Variants in ATRNL1 observed in about 807,000 individuals in gnomAD.
ATRNL1 encodes the protein attractin-like protein 1.
Under a neutral mutation model 182.7 loss-of-function variants are expected in ATRNL1, and 95 were observed. The observed-to-expected ratio is 0.52, with a 90% CI of 0.44 to 0.62. The LOEUF is 0.62. Among genes scored for constraint, ATRNL1 ranks in the 20% least tolerant of loss-of-function variants. ATRNL1 has a pLI of 0.00. For synonymous variants in ATRNL1, 576 were observed against 568.3 expected, an observed-to-expected ratio of 1.01 and a Z score of -0.19; for missense variants, 1,471 against 1,679.5, an observed-to-expected ratio of 0.88 and a Z score of 2.17.
intron 28 of ATRNL1, among the ~76,000 whole-genome samples, chr10:115,911,442 C>T (rs186947446): frequency 4.6e-5 from 7 of 152,232 alleles, no homozygotes; most frequent in African/African-American, 1.4e-4. Flanking sequence ...CTCAGCCTCC[C>T]GAGCAGCTGG....
At chr10:115,625,069 G>A (rs1169660569) in intron 26 of ATRNL1, among the ~76,000 whole-genome samples, 4 of 151,980 alleles carry the variant, frequency 2.6e-5, no homozygotes, top group African/African-American at 9.7e-5. Context: ...GTGTAGACTG[G>A]CAGAAACAAA....
At chr10:115,195,641 C>T (rs985369995) in intron 8 of ATRNL1, among the ~76,000 whole-genome samples, 20 of 151,964 alleles carry the variant, frequency 1.3e-4, no homozygotes, top group African/African-American at 3.9e-4. Flanking sequence ...TTTATAACCT[C>T]GTATCTGGAT....
At chr10:115,791,099 T>C (rs1033103313) in intron 27 of ATRNL1, among the ~76,000 whole-genome samples, 1 of 152,218 alleles carries the variant, frequency 6.6e-6, no homozygotes, top group Non-Finnish European at 1.5e-5. Flanking sequence ...AATATCCTTC[T>C]CTTTTTTGCT....
At chr10:115,727,808 C>G (rs1376964640) in intron 27 of ATRNL1, among the ~76,000 whole-genome samples, 1 of 152,094 alleles carries the variant, frequency 6.6e-6, no homozygotes, top group African/African-American at 2.4e-5. Context: ...GTGAATGTTT[C>G]TCACATATAA....
At chr10:115,657,842 C>T (rs1230114623) in intron 26 of ATRNL1, among the ~76,000 whole-genome samples, 1 of 152,106 alleles carries the variant, frequency 6.6e-6, no homozygotes, top group Non-Finnish European at 1.5e-5. Context: ...ATCTTTCTGA[C>T]AGTACATGTT....
chr10:115,669,411 T>C (rs1213025995), intron 26 of ATRNL1, among the ~76,000 whole-genome samples: 1 of 152,146 alleles, frequency 6.6e-6, no homozygotes, highest in Non-Finnish European at 1.5e-5. Context: ...TACTGTGATA[T>C]TTCATTGCAG....
At chr10:115,135,265 A>C (rs1301071490) in intron 5 of ATRNL1, among the ~76,000 whole-genome samples, 1 of 152,202 alleles carries the variant, frequency 6.6e-6, no homozygotes, top group Non-Finnish European at 1.5e-5. Flanking sequence ...TGCAGATGAC[A>C]TGATTGTATA....
intron 24 of ATRNL1, among the ~76,000 whole-genome samples, chr10:115,471,577 G>A (rs897287189): frequency 1.3e-5 from 2 of 150,906 alleles, no homozygotes; most frequent in Non-Finnish European, 3.0e-5. Flanking sequence ...GTTTTGATTT[G>A]CATTTATTTG....
chr10:115,271,138 A>G (rs1851842384), intron 13 of ATRNL1, among the ~76,000 whole-genome samples: 1 of 149,910 alleles, frequency 6.7e-6, no homozygotes, highest in African/African-American at 2.5e-5. Flanking sequence ...TGATGAGGGA[A>G]TAAGAGAAGA....
intron 8 of ATRNL1, among the ~76,000 whole-genome samples, chr10:115,192,190 T>C (rs981558054): frequency 2.6e-5 from 4 of 152,062 alleles, no homozygotes; most frequent in Non-Finnish European, 4.4e-5. Context: ...TCCTGGAGTG[T>C]TTCTCCAGTG....
intron 1 of ATRNL1, chr10:115,096,503 C>G: frequency 9.6e-6 from 4 of 416,450 alleles, no homozygotes; most frequent in Non-Finnish European, 1.7e-5. Context: ...TCTCACTTCA[C>G]TAACTATCTT....
At chr10:115,544,873 A>T (rs1554993188) in intron 25 of ATRNL1, among the ~76,000 whole-genome samples, 2 of 152,192 alleles carry the variant, frequency 1.3e-5, no homozygotes. Context: ...ATAACTTTTT[A>T]ACTATGCTGA....
chr10:115,534,295 G>C (rs1434905651), intron 25 of ATRNL1, among the ~76,000 whole-genome samples: 1 of 151,688 alleles, frequency 6.6e-6, no homozygotes, highest in Non-Finnish European at 1.5e-5. Flanking sequence ...CTCCTGTATT[G>C]GGTGCATATA....
chr10:115,713,716 C>CTATG (rs1947156263), intron 26 of ATRNL1, among the ~76,000 whole-genome samples: 1 of 130,688 alleles, frequency 7.7e-6, no homozygotes, highest in Non-Finnish European at 1.6e-5. Flanking sequence ...ATCTATCTAT[C>CTATG]TATCTATCTA....
chr10:115,890,695 C>G (rs1952058542), intron 28 of ATRNL1, among the ~76,000 whole-genome samples: 2 of 152,090 alleles, frequency 1.3e-5, no homozygotes, highest in African/African-American at 4.8e-5. Flanking sequence ...GAGAATGAGC[C>G]AATAAACTTT....
In ATRNL1 at chr10:115,139,234, G is replaced by A. The variant is rs555450085; in HGVS notation, c.829+9699G>A. On this transcript the variant is annotated intron_variant, in intron 5 of 28. Transcript: ENST00000355044. ...CCCACATTTTTCTATCTTCTTCTGA[G>A]CCTTTCAAAGCGTTTCAACCTCTGC... Among the ~76,000 whole-genome samples the A allele has an allele frequency of 2.0e-4, 30 of 152,266 alleles. No homozygotes were observed. In the South Asian group the frequency reaches 5.2e-3, roughly 26 times the overall value.
chr10:115,877,048 G>A (rs77697354), intron 28 of ATRNL1, among the ~76,000 whole-genome samples: 7,940 of 152,212 alleles, frequency 0.052, 678 homozygotes, highest in African/African-American at 0.18. Flanking sequence ...ATAAGCAATT[G>A]TAAACTAAAA....
intron 28 of ATRNL1, among the ~76,000 whole-genome samples, chr10:115,925,716 T>C (rs1953209153): frequency 6.6e-6 from 1 of 152,170 alleles, no homozygotes; most frequent in Non-Finnish European, 1.5e-5. Flanking sequence ...AAGAGCTAAC[T>C]ATTCTAAGTA....
At chr10:115,638,550 A>G (rs997296982) in intron 26 of ATRNL1, among the ~76,000 whole-genome samples, 1 of 152,226 alleles carries the variant, frequency 6.6e-6, no homozygotes, top group African/African-American at 2.4e-5. Context: ...CTTTGAGAGT[A>G]GGGAATGAGT....
Sources: gnomAD v4.1 joint callset for allele counts (sites outside exome capture counted in the v4.1 genomes callset) on GRCh38, gnomAD v4.1.1 for gene constraint, MANE v1.5 for transcripts, NCBI Gene and HGNC (gene_info 2026-07-23, HGNC 2026-07-21) for gene names.